FBXO10: variants seen among roughly 807,000 people sequenced by gnomAD.
FBXO10 encodes F-box protein 10.
Under a neutral mutation model 80.7 loss-of-function variants are expected in FBXO10, and 39 were observed. The observed-to-expected ratio is 0.48, with a 90% CI of 0.37 to 0.63. The LOEUF (loss-of-function observed/expected upper bound fraction) is 0.63, where lower values mean the gene tolerates loss of function less well. Among genes scored for constraint, FBXO10 ranks in the 30% least tolerant of loss-of-function variants. FBXO10 has a pLI of 0.00. For synonymous variants in FBXO10, 449 were observed against 489.6 expected (o/e 0.92, Z 1.09); for missense variants, 1,025 against 1,269.0 (o/e 0.81, Z 2.92).
intron 1 of FBXO10, among the ~76,000 whole-genome samples, chr9:37,564,183 C>T (rs1272588445): frequency 6.6e-6 from 1 of 152,240 alleles, no homozygotes; most frequent in Non-Finnish European, 1.5e-5. Context: ...TGGTGGCTTC[C>T]ACATAGTGTT....
chr9:37,515,727 G>T, intron 10 of FBXO10, 177 bp downstream of exon 10: 1 of 642,058 alleles, frequency 1.6e-6, no homozygotes, highest in Admixed American at 2.9e-5. Flanking sequence ...TCCCTCCTGG[G>T]GAGTCCTCAG....
chr9:37,560,902 G>T (rs1050511794), intron 1 of FBXO10, among the ~76,000 whole-genome samples: 1 of 152,076 alleles, frequency 6.6e-6, no homozygotes, highest in African/African-American at 2.4e-5. Context: ...CAGCACTTTG[G>T]GAGGCCGAGG....
chr9:37,516,232 C>T (rs1417263492), intron 9 of FBXO10, 147 bp from the exon 10 acceptor site: 2 of 830,142 alleles, frequency 2.4e-6, no homozygotes, highest in Non-Finnish European at 1.8e-6. Context: ...AAGAAGGGCA[C>T]CAAGAACAGC....
In FBXO10 at chr9:37,512,199, C is replaced by G. The variant is rs1821073707; in HGVS notation, c.*348G>C. ...GCCATCAGAAGTAAATCTGCTCTTT[C>G]CTGAGAAGAGTCTGGGTTTGGTGTG... is the stretch of plus-strand genomic sequence containing the variant. On this transcript the variant is annotated 3_prime_UTR_variant, in exon 11 of 11. Transcript: ENST00000432825. The G allele has an allele frequency of 5.6e-6, 1 of 177,296 alleles. No homozygotes were observed. 11.0% of individuals were successfully genotyped at this position (177,296 alleles called of 1,614,324 possible). A position where few individuals can be genotyped will look rare whatever the true frequency, so the allele number is the denominator to read the frequency against.
Position 37,516,051 on chromosome 9 carries a change from T to C in FBXO10, c.2549A>G (p.Tyr850Cys), listed in dbSNP as rs1301803194. Residue 850 changes from tyrosine (Y) to cysteine (C), a missense_variant, in exon 10 of 11, where the codon TAC (tyrosine) becomes TGC (cysteine). By Grantham distance (194) the Tyr-to-Cys change is radical. Around this residue, in one of 3 missense-constraint regions of FBXO10, gnomAD observed 478 missense variants for 667.8 expected, o/e 0.72. Coordinates refer to ENST00000432825, the MANE Select transcript of FBXO10 (RefSeq NM_012166.3). ...IKNRIHSFRA[Y>C]GIAVRGRAKA... is the part of the protein sequence containing the mutation. Reference sequence around the variant, plus strand: ...GGCACGGCCCCGCACGGCGATGCCGTAGGCCCGGAACGAGTGGATCCGGTT... The same window carrying C: ...GGCACGGCCCCGCACGGCGATGCCGCAGGCCCGGAACGAGTGGATCCGGTT... The C allele has an allele frequency of 1.2e-6, 2 of 1,613,582 alleles. No individual in the cohort carries two copies. The highest frequency in any genetic ancestry group is 2.7e-5 in the African/African-American group (2 of 74,892).
intron 1 of FBXO10, among the ~76,000 whole-genome samples, chr9:37,568,028 G>A (rs551955616): frequency 6.6e-6 from 1 of 152,198 alleles, no homozygotes; most frequent in East Asian, 1.9e-4. Flanking sequence ...GTCCATATGA[G>A]GAATGAAGCC....
At position 37,529,220 on chromosome 9, in the gene FBXO10, A is replaced by G. The variant is rs1403045031; in HGVS notation, c.1610T>C (p.Val537Ala). 1.2e-6 allele frequency: 2 copies of G among 1,613,124 alleles called. No homozygotes were observed. Among genetic ancestry groups the G allele is most frequent in the Admixed American group, 1.7e-5 (1 of 59,886 alleles). The part of the protein sequence containing the change: ...IHHGLRSGIV[V>A]LGNGKGIIRN... ...GATGATGCCTTTCCCATTGCCAAGG[A>G]CGACAATGCCAGAGCGAAGGCCATG... The change falls in exon 5 of 11, where the codon GTC becomes GCC. Residue 537 changes from valine (V) to alanine (A), a missense_variant. Val to Ala is a moderately conservative substitution (Grantham distance 64, BLOSUM62 0). Around this residue, in one of 3 missense-constraint regions of FBXO10, gnomAD observed 478 missense variants for 667.8 expected, o/e 0.72. Coordinates refer to ENST00000432825, the MANE Select transcript of FBXO10 (RefSeq NM_012166.3).
intron 1 of FBXO10, among the ~76,000 whole-genome samples, chr9:37,575,049 C>T (rs1822858114): frequency 6.6e-6 from 1 of 152,164 alleles, no homozygotes; most frequent in Non-Finnish European, 1.5e-5. Context: ...CTTCTGGGTC[C>T]AGTCTCTCCA....
In FBXO10 at chr9:37,512,490, C is replaced by G; in HGVS notation, c.*57G>C. 5.8e-6 allele frequency: 9 copies of G among 1,562,994 alleles called. No homozygotes were observed. The highest frequency in any genetic ancestry group is 7.8e-6 in the Non-Finnish European group (9 of 1,149,700). ...GGCGGAGTCTTTTCAGGCAGTATTT[C>G]CACCTTAGCTCCTCTGAGCACCCAT... On this transcript the variant is annotated 3_prime_UTR_variant, in exon 11 of 11. Coordinates refer to ENST00000432825, the MANE Select transcript of FBXO10 (RefSeq NM_012166.3).
At chr9:37,574,866 T>G (rs990411614) in intron 1 of FBXO10, among the ~76,000 whole-genome samples, 22 of 152,312 alleles carry the variant, frequency 1.4e-4, no homozygotes, top group Admixed American at 1.4e-3. Flanking sequence ...CAGCTCTATG[T>G]CCAGATCCTA....
At chr9:37,558,119 A>G (rs1403279180) in intron 1 of FBXO10, among the ~76,000 whole-genome samples, 1 of 152,176 alleles carries the variant, frequency 6.6e-6, no homozygotes, top group Non-Finnish European at 1.5e-5. Context: ...TATACTGCGC[A>G]CTTTCTGAGA....
At chr9:37,533,215 G>A (rs1821672777) in intron 3 of FBXO10, among the ~76,000 whole-genome samples, 1 of 152,136 alleles carries the variant, frequency 6.6e-6, no homozygotes, top group African/African-American at 2.4e-5. Context: ...AACCAACTGT[G>A]GATTGAATAT....
In FBXO10 at chr9:37,521,826, C is replaced by T. The variant is rs776854198; in HGVS notation, c.1943G>A (p.Cys648Tyr). The T allele has an allele frequency of 2.5e-6, 4 of 1,585,354 alleles. No homozygotes were observed. The highest frequency in any genetic ancestry group is 2.7e-5 in the African/African-American group (2 of 74,702). Residue 648 changes from cysteine (C) to tyrosine (Y), a missense_variant, in exon 8 of 11, where the codon TGT becomes TAT. Around this residue, in one of 3 missense-constraint regions of FBXO10, gnomAD observed 478 missense variants for 667.8 expected, o/e 0.72. Transcript: ENST00000432825. ...EGNTIYANKG[C>Y]GVWMMSSSLP... is the part of the protein sequence containing the mutation. ...GCTGGACGACATCATCCACACACCACAGCCCTTGTTAGCTGGGACAGTGAG... is the reference window on the plus strand; with the variant it reads ...GCTGGACGACATCATCCACACACCATAGCCCTTGTTAGCTGGGACAGTGAG...
Position 37,512,343 on chromosome 9 carries a change from T to C in FBXO10, c.*204A>G. 1 of 495,346 alleles carries C rather than the reference T, an allele frequency of 2.0e-6. No homozygotes were observed. The highest frequency in any genetic ancestry group is 3.5e-6 in the Non-Finnish European group (1 of 284,072). 30.7% of individuals were successfully genotyped at this position (495,346 alleles called of 1,614,324 possible). ...GAGTGACTGGAAACCCACCAGCTTC[T>C]ATCCCTTCTCCCTGAAAAACATTGC... On this transcript the variant is annotated 3_prime_UTR_variant, in exon 11 of 11. Transcript: ENST00000432825.
intron 1 of FBXO10, among the ~76,000 whole-genome samples, chr9:37,551,814 C>A (rs1428441043): frequency 6.6e-6 from 1 of 152,210 alleles, no homozygotes; most frequent in Non-Finnish European, 1.5e-5. Flanking sequence ...TGTTCTGCTT[C>A]CCTTTTAATT....
At chr9:37,556,696 G>A (rs1227898570) in intron 1 of FBXO10, among the ~76,000 whole-genome samples, 4 of 151,666 alleles carry the variant, frequency 2.6e-5, no homozygotes, top group Non-Finnish European at 2.9e-5. Flanking sequence ...GGTGTGTGCC[G>A]CCACGCCCGG....
chr9:37,523,289 C>T (rs1329139913), intron 6 of FBXO10, among the ~76,000 whole-genome samples: 1 of 152,116 alleles, frequency 6.6e-6, no homozygotes, highest in East Asian at 1.9e-4. Context: ...GTGGCTCATG[C>T]CTGTAATCCC....
chr9:37,546,536 T>G (rs1260200028), intron 1 of FBXO10, among the ~76,000 whole-genome samples: 1 of 152,190 alleles, frequency 6.6e-6, no homozygotes, highest in Non-Finnish European at 1.5e-5. Flanking sequence ...TATTAAGCCT[T>G]ATTATGTAAC....
At chr9:37,567,010 AGGGGG>A (rs575971105) in intron 1 of FBXO10, among the ~76,000 whole-genome samples, 1 of 152,194 alleles carries the variant, frequency 6.6e-6, no homozygotes, top group Non-Finnish European at 1.5e-5. Flanking sequence ...GGGGAGTTGC[AGGGGG>A]GTCCCCAGAT....
Sources: allele counts gnomAD v4.1 joint callset (sites outside exome capture counted in the v4.1 genomes callset), GRCh38; gene constraint gnomAD v4.1.1; regional missense constraint gnomAD v4.1.1; transcripts MANE v1.5; gene names NCBI Gene and HGNC (gene_info 2026-07-23, HGNC 2026-07-21).